The following PCDHA1 variants were observed in gnomAD, a reference collection of about 807,000 sequenced individuals.
PCDHA1 encodes the protein protocadherin alpha 1.
Under a neutral mutation model 61.3 loss-of-function variants are expected in PCDHA1, and 42 were observed. The ratio of observed to expected loss-of-function variants is 0.69; its 90% CI spans 0.54 to 0.89. The LOEUF is 0.89. PCDHA1 is among the 40% of genes least tolerant of loss of function. The pLI is 0.00. For synonymous variants in PCDHA1, 610 were observed against 553.8 expected (o/e 1.10, Z -1.43); for missense variants, 1,256 against 1,235.3 (o/e 1.02, Z -0.25).
intron 1 of PCDHA1, among the ~76,000 whole-genome samples, chr5:140,818,312 T>C (rs1195133759): frequency 6.6e-6 from 1 of 152,224 alleles, no homozygotes; most frequent in African/African-American, 2.4e-5. Flanking sequence ...TCTTTTACTT[T>C]AGGAATTTTA....
intron 1 of PCDHA1, among the ~76,000 whole-genome samples, chr5:140,797,815 C>T (rs1762265575): frequency 1.3e-5 from 2 of 152,064 alleles, no homozygotes; most frequent in Non-Finnish European, 2.9e-5. Context: ...ATCAACAATG[C>T]CCTTGTCTAT....
intron 3 of PCDHA1, among the ~76,000 whole-genome samples, chr5:141,000,383 CTCTCTCTCTCTCTATA>C (rs1346959358): frequency 3.2e-5 from 2 of 63,198 alleles, no homozygotes; most frequent in African/African-American, 1.4e-4. Context: ...CTCTCTCTCT[CTCTCTCTCTCTCTATA>C]TATATATATA....
intron 1 of PCDHA1, chr5:140,805,108 C>A: frequency 6.3e-7 from 1 of 1,590,148 alleles, no homozygotes; most frequent in South Asian, 1.1e-5. Context: ...AAACTATTGT[C>A]TAACAAGACT....
intron 1 of PCDHA1, among the ~76,000 whole-genome samples, chr5:140,826,390 C>A (rs191018508): frequency 6.6e-6 from 1 of 152,208 alleles, no homozygotes; most frequent in Admixed American, 6.5e-5. Flanking sequence ...ATAAGAACTA[C>A]TAAATAGATC....
chr5:140,980,657 A>G (rs553240428), intron 2 of PCDHA1, among the ~76,000 whole-genome samples: 2 of 151,966 alleles, frequency 1.3e-5, no homozygotes, highest in Non-Finnish European at 2.9e-5. Context: ...ATAAAATAAC[A>G]TAACTTCCTT....
chr5:140,967,980 A>G (rs1554230169), intron 1 of PCDHA1: 1 of 1,614,198 alleles, frequency 6.2e-7, no homozygotes, highest in African/African-American at 1.3e-5. Context: ...CTGGGTCTGG[A>G]GGCCACACTG....
At chr5:140,877,258 G>A in intron 1 of PCDHA1, 1 of 1,613,780 alleles carries the variant, frequency 6.2e-7, no homozygotes, top group South Asian at 1.1e-5. Flanking sequence ...GAAAGTGCGC[G>A]CGGTGGACGC....
At chr5:140,959,259 C>G (rs781794121) in intron 1 of PCDHA1, among the ~76,000 whole-genome samples, 1 of 152,040 alleles carries the variant, frequency 6.6e-6, no homozygotes, top group African/African-American at 2.4e-5. Context: ...TGACTGTAGT[C>G]CCAGCTACCC....
intron 1 of PCDHA1, chr5:140,795,093 C>G (rs782435677): frequency 1.2e-6 from 2 of 1,614,026 alleles, no homozygotes; most frequent in Admixed American, 1.7e-5. Context: ...AACACGGCAC[C>G]TTCGTGGGCC....
intron 1 of PCDHA1, chr5:140,968,530 A>G (rs1554230830): frequency 6.2e-7 from 1 of 1,614,174 alleles, no homozygotes; most frequent in East Asian, 2.2e-5. Context: ...CCAACTCGTC[A>G]GCAGCCTTCG....
chr5:140,811,757 T>C (rs2126631461), intron 1 of PCDHA1: 7 of 152,396 alleles, frequency 4.6e-5, no homozygotes, highest in African/African-American at 4.8e-5. Flanking sequence ...CCAGTGATGA[T>C]GGGCATTTTT....
At chr5:140,818,692 G>A (rs1485598077) in intron 1 of PCDHA1, among the ~76,000 whole-genome samples, 2 of 152,182 alleles carry the variant, frequency 1.3e-5, no homozygotes, top group African/African-American at 2.4e-5. Context: ...AAAAAAATTA[G>A]CTAGATGTGG....
intron 1 of PCDHA1, chr5:140,801,615 CTG>C (rs1256154036): frequency 6.2e-7 from 1 of 1,613,990 alleles, no homozygotes; most frequent in Admixed American, 1.7e-5. Flanking sequence ...TGTAAAGAAT[CTG>C]TTTATTTCCG....
chr5:140,788,928 A>G (rs1581600678), intron 1 of PCDHA1: 2 of 795,598 alleles, frequency 2.5e-6, no homozygotes, highest in South Asian at 6.3e-5. Flanking sequence ...AAAAGCTACA[A>G]TACAAGGTAC....
Position 140,848,043 on chromosome 5 carries a change from A to C in PCDHA1, c.2394+59359A>C, listed in dbSNP as rs115415885. On this transcript the variant is annotated intron_variant, in intron 1 of 3. Transcript: ENST00000504120. Reference sequence around the variant, plus strand: ...AAATTCGTGATTGCTCAATGGAATCATTTTAATTGTTACTTCATTTCTGTC... The same window carrying C: ...AAATTCGTGATTGCTCAATGGAATCCTTTTAATTGTTACTTCATTTCTGTC... 2.3e-3 allele frequency: 368 copies of C among 160,610 alleles called. 14 individuals carry two copies. Among genetic ancestry groups the C allele is most frequent in the African/African-American group, 8.0e-3 (330 of 41,090 alleles). 9.9% of individuals were successfully genotyped at this position (160,610 alleles called of 1,614,324 possible). A position where few individuals can be genotyped will look rare whatever the true frequency, so the allele number is the denominator to read the frequency against.
chr5:140,862,489 C>T (rs1385240823), intron 1 of PCDHA1: 1 of 384,600 alleles, frequency 2.6e-6, no homozygotes, highest in Non-Finnish European at 5.2e-6. Context: ...TGTTGGTAAT[C>T]GCTCGGAATG....
Position 140,929,271 on chromosome 5 carries a change from A to G in PCDHA1, c.2395-49678A>G, listed in dbSNP as rs782266407. 9.9e-6 allele frequency: 16 copies of G among 1,610,716 alleles called. No individual in the cohort carries two copies. In the Admixed American group the frequency reaches 2.7e-4, roughly 27 times the overall value. On this transcript the variant is annotated intron_variant, in intron 1 of 3. Transcript: ENST00000504120. ...CTGGGGTAGGACTGAATTTGCCAAT[A>G]TCCTGTATTCAGATTCGGAATAGGA...
At chr5:140,834,244 CT>C in intron 1 of PCDHA1, 1 of 863,716 alleles carries the variant, frequency 1.2e-6, no homozygotes, top group East Asian at 2.5e-5. Flanking sequence ...CCTTTTCGCA[CT>C]GGAAAGACGC....
At chr5:140,950,429 T>G (rs1339598073) in intron 1 of PCDHA1, among the ~76,000 whole-genome samples, 1 of 151,896 alleles carries the variant, frequency 6.6e-6, no homozygotes, top group Admixed American at 6.6e-5. Context: ...TTCTTCCACT[T>G]AAAAAAAATG....
Sources: allele counts gnomAD v4.1 joint callset (sites outside exome capture counted in the v4.1 genomes callset), GRCh38; gene constraint gnomAD v4.1.1; transcripts MANE v1.5; gene names NCBI Gene and HGNC (gene_info 2026-07-23, HGNC 2026-07-21).